The following CPSF6 variants were observed in gnomAD, a reference collection of about 807,000 sequenced individuals.
CPSF6 encodes cleavage and polyadenylation specificity factor subunit 6.
CPSF6 carries 10 observed loss-of-function variants against 56.7 expected under a neutral mutation model. The observed-to-expected ratio is 0.18, with a 90% CI of 0.11 to 0.30. CPSF6 has a LOEUF of 0.30. Among genes scored for constraint, CPSF6 ranks in the 10% least tolerant of loss-of-function variants. The pLI is 1.00. For missense variants in CPSF6, 419 were observed against 722.9 expected (o/e 0.58, Z 4.82); for synonymous variants, 248 against 244.8 (o/e 1.01, Z -0.12).
intron 9 of CPSF6, among the ~76,000 whole-genome samples, chr12:69,267,824 G>A (rs1873065155): frequency 6.6e-6 from 1 of 151,796 alleles, no homozygotes; most frequent in Admixed American, 6.6e-5. Flanking sequence ...ACAAAAGAGT[G>A]CATTAGTCCT....
At chr12:69,243,299 C>T (rs1178369339) in intron 1 of CPSF6, among the ~76,000 whole-genome samples, 2 of 152,178 alleles carry the variant, frequency 1.3e-5, no homozygotes, top group Non-Finnish European at 2.9e-5. Context: ...GAAAATATTA[C>T]ATACAATAAG....
chr12:69,268,394 T>C (rs937581305), intron 9 of CPSF6, among the ~76,000 whole-genome samples: 2 of 151,736 alleles, frequency 1.3e-5, no homozygotes, highest in African/African-American at 4.8e-5. Context: ...CTAGGCAGTG[T>C]GAATGCATAT....
intron 1 of CPSF6, among the ~76,000 whole-genome samples, chr12:69,250,590 CAAAAAAA>C (rs61337613): frequency 2.3e-4 from 11 of 48,862 alleles, no homozygotes; most frequent in African/African-American, 1.6e-4. Context: ...CTGGTCTCTA[CAAAAAAA>C]AAAAAAAAAA....
At chr12:69,240,135 C>CGCCGCT (rs1469000308) in intron 1 of CPSF6, among the ~76,000 whole-genome samples, 2 of 151,364 alleles carry the variant, frequency 1.3e-5, no homozygotes, top group African/African-American at 4.8e-5. Context: ...GGCGCGTGCC[C>CGCCGCT]GCCGCCGCCG....
At chr12:69,242,368 G>C (rs1871670787) in intron 1 of CPSF6, among the ~76,000 whole-genome samples, 1 of 151,830 alleles carries the variant, frequency 6.6e-6, no homozygotes, top group Non-Finnish European at 1.5e-5. Flanking sequence ...TTTGTATTTT[G>C]GTAAGGCACA....
chr12:69,264,876 C>CT (rs531482111), intron 9 of CPSF6, among the ~76,000 whole-genome samples: 2 of 152,038 alleles, frequency 1.3e-5, no homozygotes, highest in Non-Finnish European at 2.9e-5. Flanking sequence ...AATATGAGTC[C>CT]TTTTGAGCTT....
intron 1 of CPSF6, among the ~76,000 whole-genome samples, chr12:69,246,056 C>T (rs1871888115): frequency 1.3e-5 from 2 of 152,174 alleles, no homozygotes; most frequent in South Asian, 4.1e-4. Context: ...CACTGTACTC[C>T]AGCCTGAGTG....
rs944518758 is a variant in CPSF6, at chr12:69,262,273, A to C, written c.1470-100A>C. The C allele has an allele frequency of 2.9e-6, 4 of 1,395,566 alleles. 1 individual carries two copies. The South Asian group carries it at 7.4e-5, about 26-fold the overall frequency. The allele number at this position is 1,395,566 out of a possible 1,614,324, so 86.4% of individuals were successfully genotyped here. On this transcript the variant is annotated intron_variant, in intron 8 of 9. Coordinates refer to ENST00000435070, the MANE Select transcript of CPSF6 (RefSeq NM_007007.3). Reference sequence around the variant, plus strand: ...ATAGTAAGTTTAAACCAGATTTACAAAGAATTTTTGCTGCCTAAGTTTTTT... The same window carrying C: ...ATAGTAAGTTTAAACCAGATTTACACAGAATTTTTGCTGCCTAAGTTTTTT...
At chr12:69,240,780 G>C (rs906127247) in intron 1 of CPSF6, among the ~76,000 whole-genome samples, 3 of 146,864 alleles carry the variant, frequency 2.0e-5, no homozygotes, top group Non-Finnish European at 4.5e-5. Context: ...TAGAGGTAAC[G>C]CGGGGCTGTG....
chr12:69,252,842 T>A (rs1872316760), intron 2 of CPSF6, among the ~76,000 whole-genome samples: 1 of 152,220 alleles, frequency 6.6e-6, no homozygotes, highest in African/African-American at 2.4e-5. Context: ...TTCTAGTTTC[T>A]GAAATACTTA....
chr12:69,247,008 A>C (rs1871943451), intron 1 of CPSF6, among the ~76,000 whole-genome samples: 1 of 152,184 alleles, frequency 6.6e-6, no homozygotes, highest in Non-Finnish European at 1.5e-5. Context: ...AAAAAATATC[A>C]GGCCTGTCAG....
intron 3 of CPSF6, among the ~76,000 whole-genome samples, chr12:69,254,533 C>T (rs1220245490): frequency 1.3e-5 from 2 of 152,148 alleles, no homozygotes; most frequent in East Asian, 3.8e-4. Flanking sequence ...ATATATTTTA[C>T]TCGTTTGTTG....
intron 9 of CPSF6, among the ~76,000 whole-genome samples, chr12:69,267,634 G>T (rs1340262576): frequency 6.6e-6 from 1 of 151,868 alleles, no homozygotes; most frequent in South Asian, 2.1e-4. Flanking sequence ...TTGGAAATGG[G>T]TTGTATTGCC....
At chr12:69,259,144 A>G (rs1872638179) in intron 6 of CPSF6, 50 bp downstream of exon 6, 2 of 1,521,312 alleles carry the variant, frequency 1.3e-6, no homozygotes, top group African/African-American at 1.4e-5. Flanking sequence ...AGATAGGAAC[A>G]ATGACTGTAA....
chr12:69,253,158 A>AT lies in CPSF6; in HGVS notation c.374+4_374+5insT. On this transcript the variant is annotated splice_donor_region_variant and intron_variant, in intron 3 of 9. Coordinates refer to ENST00000435070, the MANE Select transcript of CPSF6 (RefSeq NM_007007.3). ...GGGCAAATGGCCAGTCAAAGGGGTAAGTTTTTTTTTTCTTTCTTTTTGATT... is the reference window on the plus strand; with the variant it reads ...GGGCAAATGGCCAGTCAAAGGGGTAATGTTTTTTTTTTCTTTCTTTTTGATT... The AT allele has an allele frequency of 6.8e-7, 1 of 1,463,108 alleles. No individual in the cohort carries two copies. The highest frequency in any genetic ancestry group is 9.4e-7 in the Non-Finnish European group (1 of 1,065,446). The allele number at this position is 1,463,108 out of a possible 1,614,324, so 90.6% of individuals were successfully genotyped here.
At chr12:69,269,371 GTTTCAGTTAAT>G in intron 9 of CPSF6, 130 bp from the exon 10 acceptor site, 1 of 285,494 alleles carries the variant, frequency 3.5e-6, no homozygotes, top group South Asian at 3.0e-5. Flanking sequence ...GGCAGCTACT[GTTTCAGTTAAT>G]TCTTATTTTG....
Position 69,251,258 on chromosome 12 carries a change from G to T in CPSF6, c.190G>T (p.Val64Leu). 6.2e-7 allele frequency: 1 copy of T among 1,612,806 alleles called. No homozygotes were observed. Among genetic ancestry groups the T allele is most frequent in the Non-Finnish European group, 8.5e-7 (1 of 1,179,644 alleles). ...TCTCCCACCAACTGTTGGTGATGAT[G>T]TGGGTAAAGGAGCAGCACCAAATGT... ...DTLPPTVGDD[V>L]GKGAAPNVVY... Residue 64 changes from valine (V) to leucine (L), a missense_variant, in exon 2 of 10, where the codon GTG becomes TTG. Val to Leu is a conservative substitution (Grantham distance 32, BLOSUM62 1). This residue lies in a region of CPSF6 where 125 missense variants were observed against 216.4 expected (regional missense o/e 0.58). Transcript: ENST00000435070.
chr12:69,252,459 T>TA (rs1872296984), intron 2 of CPSF6, among the ~76,000 whole-genome samples: 1 of 152,136 alleles, frequency 6.6e-6, no homozygotes, highest in African/African-American at 2.4e-5. Flanking sequence ...GCAGTGTAGT[T>TA]ATGAAAGTAT....
chr12:69,263,542 T>C (rs1446126381), intron 9 of CPSF6, among the ~76,000 whole-genome samples: 1 of 152,100 alleles, frequency 6.6e-6, no homozygotes, highest in East Asian at 1.9e-4. Flanking sequence ...GGTTGGCATA[T>C]TCAAATTAAA....
Sources: gnomAD v4.1 joint callset for allele counts (sites outside exome capture counted in the v4.1 genomes callset) on GRCh38, gnomAD v4.1.1 for gene constraint, gnomAD v4.1.1 regional missense constraint, MANE v1.5 for transcripts, NCBI Gene and HGNC (gene_info 2026-07-23, HGNC 2026-07-21) for gene names.